NPHS2: variants seen among roughly 807,000 people sequenced by gnomAD.
NPHS2 encodes NPHS2 stomatin family member, podocin.
NPHS2 carries 36 observed loss-of-function variants against 37.1 expected under a neutral mutation model. That is an observed-to-expected ratio of 0.97 (90% confidence interval 0.74 to 1.28). The LOEUF is 1.28. Among genes scored for constraint, NPHS2 ranks in the 50% most tolerant of loss-of-function variants. The pLI, the probability that NPHS2 is intolerant of heterozygous loss-of-function variation, is 0.00. For missense variants in NPHS2, 447 were observed against 488.1 expected (o/e 0.92, Z 0.79); for synonymous variants, 196 against 189.3 (o/e 1.04, Z -0.29).
chr1:179,571,809 G>C (rs558782054), intron 1 of NPHS2, among the ~76,000 whole-genome samples: 1 of 152,184 alleles, frequency 6.6e-6, no homozygotes, highest in Non-Finnish European at 1.5e-5. Context: ...CTGCGGCCTC[G>C]CAGATCAATC....
intron 6 of NPHS2, among the ~76,000 whole-genome samples, chr1:179,553,954 C>T (rs1039106071): frequency 2.1e-5 from 3 of 143,684 alleles, no homozygotes; most frequent in Non-Finnish European, 3.0e-5. Flanking sequence ...GCTCTGTGGT[C>T]GTGGCTGAAG....
intron 1 of NPHS2, among the ~76,000 whole-genome samples, chr1:179,568,468 C>T (rs190710185): frequency 4.5e-4 from 69 of 152,076 alleles, no homozygotes; most frequent in African/African-American, 1.5e-3. Flanking sequence ...GTCTTGCTAG[C>T]GGTCTATTTT....
At chr1:179,568,264 T>C (rs933617036) in intron 1 of NPHS2, among the ~76,000 whole-genome samples, 4 of 152,240 alleles carry the variant, frequency 2.6e-5, no homozygotes, top group African/African-American at 9.6e-5. Flanking sequence ...ATTTGACTTC[T>C]TCCTGGTTTA....
chr1:179,570,042 A>G (rs986489910), intron 1 of NPHS2, among the ~76,000 whole-genome samples: 4 of 152,070 alleles, frequency 2.6e-5, no homozygotes, highest in Admixed American at 1.3e-4. Context: ...TTTCTCAAGG[A>G]GTATCTTTGT....
chr1:179,559,782 G>C, intron 3 of NPHS2, 21 bp from the exon 4 acceptor site: 17 of 1,507,634 alleles, frequency 1.1e-5, no homozygotes, highest in African/African-American at 4.2e-5. Flanking sequence ...GGAGGAGGAA[G>C]TGACAGATAA....
chr1:179,569,082 C>A lies in NPHS2; in HGVS notation c.275-4289G>T, dbSNP rs547699609. On this transcript the variant is annotated intron_variant, in intron 1 of 7. Transcript: ENST00000367615. Reference sequence around the variant, plus strand: ...CCTATTAGGTCTGCTTGTTGCAGAGCTGAGTTCTGGTCCTGGATATCCTTG... The same window carrying A: ...CCTATTAGGTCTGCTTGTTGCAGAGATGAGTTCTGGTCCTGGATATCCTTG... Among the ~76,000 whole-genome samples, 6 of 152,246 alleles carry A rather than the reference C, an allele frequency of 3.9e-5. No individual in the cohort carries two copies. The East Asian group carries it at 1.2e-3, about 29-fold the overall frequency.
Position 179,559,869 on chromosome 1 carries a change from AATTAC to A in NPHS2, c.452-113_452-109del. The A allele has an allele frequency of 4.4e-6, 3 of 686,560 alleles. No homozygotes were observed. In the Admixed American group the frequency reaches 6.2e-5, roughly 14 times the overall value. The allele number at this position is 686,560 out of a possible 1,614,324, so 42.5% of individuals were successfully genotyped here. A position where few individuals can be genotyped will look rare whatever the true frequency, so the allele number is the denominator to read the frequency against. ...CACTACATTACTTTTCTTAGCCTCTAATTACAGACCATTGGCCCATCCCACCTCCA... is the reference window on the plus strand; with the variant it reads ...CACTACATTACTTTTCTTAGCCTCTAAGACCATTGGCCCATCCCACCTCCA... On this transcript the variant is annotated intron_variant, in intron 3 of 7. Transcript: ENST00000367615.
intron 1 of NPHS2, 56 bp from the exon 2 acceptor site, chr1:179,564,849 A>ACCAACAGATG: frequency 7.3e-7 from 1 of 1,370,884 alleles, no homozygotes; most frequent in Non-Finnish European, 1.0e-6. Context: ...GTATTCACTG[A>ACCAACAGATG]CTAGCATCTG....
At chr1:179,557,973 T>C (rs1206794044) in intron 4 of NPHS2, among the ~76,000 whole-genome samples, 3 of 152,134 alleles carry the variant, frequency 2.0e-5, no homozygotes, top group Non-Finnish European at 4.4e-5. Context: ...CCACATACAC[T>C]GAAAAATCTG....
chr1:179,561,482 C>A (rs1674136410), intron 2 of NPHS2, 121 bp from the exon 3 acceptor site: 3 of 720,948 alleles, frequency 4.2e-6, no homozygotes, highest in Non-Finnish European at 7.4e-6. Context: ...GAAAAAATTT[C>A]TATTAATACT....
Position 179,551,059 on chromosome 1 carries a change from G to A in NPHS2, c.*114C>T. 1 of 1,316,434 alleles carries A rather than the reference G, an allele frequency of 7.6e-7. No individual in the cohort carries two copies. The highest frequency in any genetic ancestry group is 1.1e-6 in the Non-Finnish European group (1 of 923,580). 81.5% of individuals were successfully genotyped at this position (1,316,434 alleles called of 1,614,324 possible). On this transcript the variant is annotated 3_prime_UTR_variant, in exon 8 of 8. Transcript: ENST00000367615. ...GCATTGTGACTTCGTGCATTCCATGGCCATTCCATATGGCAACCAAAGGAA... is the reference window on the plus strand; with the variant it reads ...GCATTGTGACTTCGTGCATTCCATGACCATTCCATATGGCAACCAAAGGAA...
intron 3 of NPHS2, among the ~76,000 whole-genome samples, chr1:179,560,288 C>T (rs565877514): frequency 3.3e-5 from 5 of 152,208 alleles, no homozygotes; most frequent in Middle Eastern, 3.4e-3. Flanking sequence ...CTCACCCACC[C>T]AATATAATAT....
intron 4 of NPHS2, among the ~76,000 whole-genome samples, chr1:179,558,631 AT>A (rs1231578464): frequency 6.6e-6 from 1 of 152,140 alleles, no homozygotes; most frequent in East Asian, 1.9e-4. Context: ...CAGTAATTCT[AT>A]TCTTAATTTT....
rs1673792091 is a variant in NPHS2 at position 179,554,533 on chromosome 1, T to C, written c.739-2A>G. The C allele has an allele frequency of 6.2e-7, 1 of 1,614,034 alleles. No individual in the cohort carries two copies. Among genetic ancestry groups the C allele is most frequent in the Admixed American group, 1.7e-5 (1 of 59,998 alleles). On this transcript the variant is annotated splice_acceptor_variant, in intron 5 of 7. Coordinates refer to ENST00000367615, the MANE Select transcript of NPHS2 (RefSeq NM_014625.4). LOFTEE classifies it high-confidence loss of function. Reference sequence around the variant, plus strand: ...ACAGGTCACTGAATCCAAGGCAACCTGTGGAAAGAAGAATTCAGATGTCAG... The same window carrying C: ...ACAGGTCACTGAATCCAAGGCAACCCGTGGAAAGAAGAATTCAGATGTCAG...
intron 1 of NPHS2, 30 bp downstream of exon 1, chr1:179,575,561 A>T (rs1251814434): frequency 1.3e-6 from 2 of 1,599,412 alleles, no homozygotes; most frequent in Admixed American, 3.3e-5. Context: ...CCACCTGGAA[A>T]AGTAGCAGAT....
chr1:179,552,505 A>G, intron 7 of NPHS2, 98 bp downstream of exon 7: 1 of 916,432 alleles, frequency 1.1e-6, no homozygotes, highest in Non-Finnish European at 1.8e-6. Context: ...GCTTCTGCCC[A>G]GTGCCTAATG....
intron 7 of NPHS2, 159 bp downstream of exon 7, chr1:179,552,444 T>C: frequency 1.5e-6 from 1 of 677,446 alleles, no homozygotes; most frequent in Admixed American, 2.1e-5. Flanking sequence ...CAGGGGACTA[T>C]TAACACACTT....
At chr1:179,553,762 T>A (rs906248897) in intron 6 of NPHS2, among the ~76,000 whole-genome samples, 1 of 152,180 alleles carries the variant, frequency 6.6e-6, no homozygotes, top group East Asian at 1.9e-4. Context: ...TTTTTCTTTC[T>A]TTGAGACAGA....
At chr1:179,553,440 T>C (rs1338894666) in intron 6 of NPHS2, among the ~76,000 whole-genome samples, 1 of 152,254 alleles carries the variant, frequency 6.6e-6, no homozygotes, top group African/African-American at 2.4e-5. Context: ...AATGAAGTAC[T>C]GATTCATGCT....
Sources: gnomAD v4.1 joint callset for allele counts (sites outside exome capture counted in the v4.1 genomes callset) on GRCh38, gnomAD v4.1.1 for gene constraint, MANE v1.5 for transcripts, NCBI Gene and HGNC (gene_info 2026-07-23, HGNC 2026-07-21) for gene names.